FAM135B: variants seen among roughly 807,000 people sequenced by gnomAD.
FAM135B encodes family with sequence similarity 135 member B, also known as protein FAM135B.
A neutral mutation model predicts 127.7 loss-of-function variants in FAM135B; 43 were observed. That is an observed-to-expected ratio of 0.34 (90% CI 0.26 to 0.43). The LOEUF (loss-of-function observed/expected upper bound fraction) is 0.43, where lower values mean the gene tolerates loss of function less well. Ranked by LOEUF, FAM135B falls within the 20% of genes least tolerant of loss-of-function variation. The probability of loss-of-function intolerance (pLI) is 1.00; values close to 1 mark genes in which losing one functional copy is unlikely to be tolerated. For missense variants in FAM135B, 1,558 were observed against 1,725.6 expected, an observed-to-expected ratio of 0.90 and a Z score of 1.72; for synonymous variants, 670 against 665.1, an observed-to-expected ratio of 1.01 and a Z score of -0.11.
intron 1 of FAM135B, among the ~76,000 whole-genome samples, chr8:138,411,381 G>A (rs892760140): frequency 2.8e-4 from 42 of 152,214 alleles, no homozygotes; most frequent in Admixed American, 2.0e-4. Flanking sequence ...AACAAGCAAC[G>A]GGGAAAGGAT....
rs112181804 is a variant in FAM135B at position 138,492,468 on chromosome 8, G to A, written c.-20+4203C>T. ...GGCCATAAAATCTTTGTTGGATCTC[G>A]CTAACCTGGCCTCTATCACAGCTGG... On this transcript the variant is annotated intron_variant, in intron 1 of 19. Coordinates refer to ENST00000395297, the MANE Select transcript of FAM135B (RefSeq NM_015912.4). Among the ~76,000 whole-genome samples, 594 of 152,080 alleles carry A rather than the reference G, an allele frequency of 3.9e-3. 3 individuals are homozygous for A. Among genetic ancestry groups the A allele is most frequent in the African/African-American group, 0.01 (425 of 41,488 alleles).
At chr8:138,384,740 G>T (rs1832081115) in intron 1 of FAM135B, among the ~76,000 whole-genome samples, 1 of 152,070 alleles carries the variant, frequency 6.6e-6, no homozygotes, top group Non-Finnish European at 1.5e-5. Context: ...AGAAAGCCCT[G>T]ATGTTTTTAG....
chr8:138,216,012 A>T (rs2129944429), intron 7 of FAM135B, among the ~76,000 whole-genome samples: 1 of 152,300 alleles, frequency 6.6e-6, no homozygotes, highest in Admixed American at 6.5e-5. Context: ...ATTTCCAATA[A>T]CAAATACCAG....
At chr8:138,154,964 G>C (rs1302255736) in intron 12 of FAM135B, among the ~76,000 whole-genome samples, 2 of 152,130 alleles carry the variant, frequency 1.3e-5, no homozygotes, top group South Asian at 2.1e-4. Context: ...GATATTCCTT[G>C]AGAAGAGCAA....
intron 2 of FAM135B, among the ~76,000 whole-genome samples, chr8:138,339,577 A>G (rs1164112212): frequency 6.6e-6 from 1 of 152,110 alleles, no homozygotes; most frequent in East Asian, 1.9e-4. Flanking sequence ...TGGGGAGGCT[A>G]GAAAACTGCA....
chr8:138,348,150 T>G lies in FAM135B; in HGVS notation c.77+19757A>C, dbSNP rs111872050. 4.2e-3 allele frequency among the ~76,000 whole-genome samples: 382 copies of G among 90,140 alleles called. 1 individual carries two copies. The highest frequency in any genetic ancestry group is 0.014 in the East Asian group (32 of 2,208). The allele number at this position is 90,140 out of a possible 152,430, so 59.1% of individuals were successfully genotyped here. A position where few individuals can be genotyped will look rare whatever the true frequency, so the allele number is the denominator to read the frequency against. On this transcript the variant is annotated intron_variant, in intron 2 of 19. Transcript: ENST00000395297. ...CTCTTTTTTTTTTTTTTTTTTTTTT[T>G]TGAGAAGGAATTTCACTCTTGTTGC...
chr8:138,169,844 C>A (rs955378063), intron 11 of FAM135B, among the ~76,000 whole-genome samples: 8 of 152,144 alleles, frequency 5.3e-5, no homozygotes. Context: ...AGAGTCTGGT[C>A]TAAGTTATGT....
intron 2 of FAM135B, among the ~76,000 whole-genome samples, chr8:138,359,692 A>G (rs1830296808): frequency 6.6e-6 from 1 of 152,212 alleles, no homozygotes; most frequent in African/African-American, 2.4e-5. Context: ...GAACCAGACA[A>G]ATCAATTAAT....
chr8:138,207,577 C>A (rs551125379), intron 7 of FAM135B, among the ~76,000 whole-genome samples: 1 of 152,112 alleles, frequency 6.6e-6, no homozygotes. Context: ...TTTCTGAAGG[C>A]TCCTGAGGGA....
rs148662510 is a variant in FAM135B at position 138,331,608 on chromosome 8, T to C, written c.78-20688A>G. Reference sequence around the variant, plus strand: ...ACACTACAGAAAGGTCTTCCAAAGATAAGCACAACACAGTCAACTCTTAGC... The same window carrying C: ...ACACTACAGAAAGGTCTTCCAAAGACAAGCACAACACAGTCAACTCTTAGC... On this transcript the variant is annotated intron_variant, in intron 2 of 19. Coordinates refer to ENST00000395297, the MANE Select transcript of FAM135B (RefSeq NM_015912.4). Among the ~76,000 whole-genome samples, 355 of 152,220 alleles carry C rather than the reference T, an allele frequency of 2.3e-3. 1 individual carries two copies. The highest frequency in any genetic ancestry group is 8.3e-3 in the African/African-American group (346 of 41,552).
chr8:138,371,073 C>T (rs1181776425), intron 1 of FAM135B, among the ~76,000 whole-genome samples: 1 of 152,148 alleles, frequency 6.6e-6, no homozygotes, highest in Non-Finnish European at 1.5e-5. Context: ...ATTTGAGAAC[C>T]ACTGGCCTAA....
At chr8:138,150,879 A>G (rs1818081800) in intron 13 of FAM135B, among the ~76,000 whole-genome samples, 1 of 152,066 alleles carries the variant, frequency 6.6e-6, no homozygotes, top group Admixed American at 6.5e-5. Context: ...ATTTGTACAG[A>G]ATGGTCTAAT....
chr8:138,495,708 T>C (rs1405143911), intron 1 of FAM135B, among the ~76,000 whole-genome samples: 2 of 152,104 alleles, frequency 1.3e-5, no homozygotes, highest in Admixed American at 1.3e-4. Context: ...TTGTAATCAC[T>C]CCCCAAGCTC....
At chr8:138,406,291 T>G (rs193010496) in intron 1 of FAM135B, among the ~76,000 whole-genome samples, 1 of 152,092 alleles carries the variant, frequency 6.6e-6, no homozygotes, top group Non-Finnish European at 1.5e-5. Context: ...AAAAAGAGTC[T>G]AGGAGCAGAT....
intron 11 of FAM135B, among the ~76,000 whole-genome samples, chr8:138,172,398 G>A (rs940135358): frequency 3.3e-5 from 5 of 152,210 alleles, no homozygotes; most frequent in Admixed American, 2.6e-4. Context: ...ACCTCCACCT[G>A]TAATGCACTG....
intron 12 of FAM135B, among the ~76,000 whole-genome samples, chr8:138,156,931 C>A (rs62533564): frequency 0.34 from 52,282 of 151,968 alleles, 9,348 homozygotes; most frequent in African/African-American, 0.45. Flanking sequence ...AGGGAATCCT[C>A]CCTAACTCAT....
At chr8:138,478,201 C>T (rs1362876043) in intron 1 of FAM135B, among the ~76,000 whole-genome samples, 1 of 152,052 alleles carries the variant, frequency 6.6e-6, no homozygotes, top group East Asian at 1.9e-4. Context: ...CTTATCAGTC[C>T]CACCTCCTGC....
At chr8:138,351,706 T>TTG (rs1459617580) in intron 2 of FAM135B, among the ~76,000 whole-genome samples, 5 of 150,270 alleles carry the variant, frequency 3.3e-5, no homozygotes, top group African/African-American at 1.2e-4. Flanking sequence ...TTTTTTTTTT[T>TTG]TAAGATGGAA....
At chr8:138,164,237 G>T (rs946420490) in intron 12 of FAM135B, among the ~76,000 whole-genome samples, 1 of 152,086 alleles carries the variant, frequency 6.6e-6, no homozygotes, top group South Asian at 2.1e-4. Context: ...ATGGAGAAGG[G>T]GTACAGATAT....
Sources: allele counts gnomAD v4.1 joint callset (sites outside exome capture counted in the v4.1 genomes callset), GRCh38; gene constraint gnomAD v4.1.1; transcripts MANE v1.5; gene names NCBI Gene and HGNC (gene_info 2026-07-23, HGNC 2026-07-21).